Variants in CHST1 observed in about 807,000 individuals in gnomAD.
CHST1 encodes Keratan sulfotransferase.
CHST1 carries 10 observed loss-of-function variants against 22.5 expected under a neutral mutation model. That is an observed-to-expected ratio of 0.44 (90% CI 0.27 to 0.75). CHST1 has a LOEUF of 0.75. Among genes scored for constraint, CHST1 ranks in the 30% least tolerant of loss-of-function variants. The pLI, the probability that CHST1 is intolerant of heterozygous loss-of-function variation, is 0.15. For missense variants in CHST1, 439 were observed against 576.1 expected, an observed-to-expected ratio of 0.76 and a Z score of 2.44; for synonymous variants, 267 against 264.5, an observed-to-expected ratio of 1.01 and a Z score of -0.09.
rs754578986 is a variant in CHST1, at chr11:45,649,692, G to T, written c.1232C>A (p.Ser411Ter). Residue 411 changes from serine (S) to a stop codon, truncating the protein, a stop_gained, in exon 4 of 4, where the codon TCG becomes TAG. Transcript: ENST00000308064. LOFTEE classifies it high-confidence loss of function. ...CCCCCACCCGCACCGCCCGGGTCAC[G>T]AGAAGGGGCGGAAGTCCCGCTCCTC... is the stretch of plus-strand genomic sequence containing the variant. The part of the protein sequence containing the change: ...LVEERDFRPF[S>*] 1.3e-5 allele frequency: 21 copies of T among 1,562,754 alleles called. No homozygotes were observed. The Admixed American group carries it at 3.3e-4, about 25-fold the overall frequency.
chr11:45,663,407 C>G (rs903286293), intron 1 of CHST1, among the ~76,000 whole-genome samples: 1 of 152,190 alleles, frequency 6.6e-6, no homozygotes, highest in Non-Finnish European at 1.5e-5. Context: ...CAGCAGGGGC[C>G]TGTGACTCAC....
intron 1 of CHST1, 198 bp from the exon 2 acceptor site, chr11:45,652,804 G>A (rs941167872): frequency 1.3e-5 from 2 of 152,278 alleles, no homozygotes; most frequent in Non-Finnish European, 2.9e-5. Context: ...AGGCGAGAAA[G>A]CCAAGGCACA....
In CHST1 at chr11:45,648,501, G is replaced by T. The variant is rs1271463448; in HGVS notation, c.*1187C>A. Among the ~76,000 whole-genome samples, 1 of 151,194 alleles carries T rather than the reference G, an allele frequency of 6.6e-6. No homozygotes were observed. The highest frequency in any genetic ancestry group is 1.5e-5 in the Non-Finnish European group (1 of 67,876). ...AGTTCGCGACCAGCCTGGACAACAC[G>T]GTGAAACCCCGTCTCTACTAAAATC... On this transcript the variant is annotated 3_prime_UTR_variant, in exon 4 of 4. Transcript: ENST00000308064.
Position 45,650,022 on chromosome 11 carries a change from C to A in CHST1, c.902G>T (p.Arg301Leu), listed in dbSNP as rs1478105445. Residue 301 changes from arginine (R) to leucine (L), a missense_variant, in exon 4 of 4, where the codon CGC becomes CTC. Arg to Leu is a moderately radical substitution (Grantham distance 102, BLOSUM62 -2). Transcript: ENST00000308064. ...AGGGTTCCGAGCCAGGTCCTCGTAG[C>A]GCACCAACATGTACTTGCCCTTGAG... ...PWLKGKYMLV[R>L]YEDLARNPMK... The A allele has an allele frequency of 6.2e-7, 1 of 1,613,866 alleles. No individual in the cohort carries two copies. The highest frequency in any genetic ancestry group is 8.5e-7 in the Non-Finnish European group (1 of 1,180,010).
chr11:45,658,923 C>G (rs1170320592), intron 1 of CHST1, among the ~76,000 whole-genome samples: 2 of 152,232 alleles, frequency 1.3e-5, no homozygotes, highest in African/African-American at 4.8e-5. Context: ...GGAACTCAGG[C>G]AGCTGCTGCC....
At chr11:45,653,443 C>T (rs1466017457) in intron 1 of CHST1, among the ~76,000 whole-genome samples, 1 of 152,210 alleles carries the variant, frequency 6.6e-6, no homozygotes, top group Non-Finnish European at 1.5e-5. Context: ...CCCACCCCGA[C>T]CTCATCCCAT....
rs1323135741 is a variant in CHST1 at position 45,649,337 on chromosome 11, A to G, written c.*351T>C. The G allele has an allele frequency of 3.5e-6, 1 of 283,686 alleles. No individual in the cohort carries two copies. The highest frequency in any genetic ancestry group is 6.6e-6 in the Non-Finnish European group (1 of 152,136). The allele number at this position is 283,686 out of a possible 1,614,324, so 17.6% of individuals were successfully genotyped here. A position where few individuals can be genotyped will look rare whatever the true frequency, so the allele number is the denominator to read the frequency against. ...TAGATACCCGACCACTCACCCATTC[A>G]AAAGCTTGAGAAGTCGCCTCGCGAG... is the stretch of plus-strand genomic sequence containing the variant. On this transcript the variant is annotated 3_prime_UTR_variant, in exon 4 of 4. Transcript: ENST00000308064.
Position 45,650,396 on chromosome 11 carries a change from C to A in CHST1, c.528G>T (p.Leu176=), listed in dbSNP as rs780463598. The change falls in exon 4 of 4, where the codon CTG becomes CTT. Residue 176 remains leucine (L), a synonymous_variant. Coordinates refer to ENST00000308064, the MANE Select transcript of CHST1 (RefSeq NM_003654.6). ...CDPPGPADLV[L]EEGDCVRKCG... ...ACTTGCGCACACAGTCCCCCTCCTC[C>A]AGGACCAGGTCGGCTGGCCCCGGAG... 6.2e-6 allele frequency: 10 copies of A among 1,605,186 alleles called. No individual in the cohort carries two copies. In the East Asian group the frequency reaches 2.2e-4, roughly 36 times the overall value.
At chr11:45,662,221 A>T (rs1852141935) in intron 1 of CHST1, among the ~76,000 whole-genome samples, 1 of 152,078 alleles carries the variant, frequency 6.6e-6, no homozygotes, top group Admixed American at 6.5e-5. Context: ...ACAGAGGGCC[A>T]CCATCTCTGC....
At chr11:45,661,235 G>A (rs888525067) in intron 1 of CHST1, among the ~76,000 whole-genome samples, 6 of 152,352 alleles carry the variant, frequency 3.9e-5, no homozygotes, top group South Asian at 2.1e-4. Flanking sequence ...CAAGGGCCCC[G>A]GGTGGAGAAG....
chr11:45,650,525 G>A lies in CHST1; in HGVS notation c.399C>T (p.Tyr133=), dbSNP rs201554477. Residue 133 remains tyrosine, a synonymous_variant, in exon 4 of 4, where the codon TAC becomes TAT. Coordinates refer to ENST00000308064, the MANE Select transcript of CHST1 (RefSeq NM_003654.6). ...GCGGCTTGATGTAGTTCTCCAGGAAGTAGAGGTCGCAGTCGTAGAGGCTCC... is the reference window on the plus strand; with the variant it reads ...GCGGCTTGATGTAGTTCTCCAGGAAATAGAGGTCGCAGTCGTAGAGGCTCC... The part of the protein sequence containing the change: ...LLRSLYDCDL[Y]FLENYIKPPP... 143 of 1,613,848 alleles carry A rather than the reference G, an allele frequency of 8.9e-5. No individual in the cohort carries two copies. The highest frequency in any genetic ancestry group is 1.2e-4 in the Non-Finnish European group (137 of 1,179,992).
chr11:45,661,511 G>C (rs1448720901), intron 1 of CHST1, among the ~76,000 whole-genome samples: 3 of 152,378 alleles, frequency 2.0e-5, no homozygotes, highest in African/African-American at 4.8e-5. Flanking sequence ...GTCCATGGGG[G>C]TGCCGGCAGC....
intron 1 of CHST1, among the ~76,000 whole-genome samples, chr11:45,661,034 C>T (rs1424643460): frequency 1.3e-5 from 2 of 152,226 alleles, no homozygotes; most frequent in African/African-American, 4.8e-5. Context: ...ACAAATCATG[C>T]CTGACAAACT....
intron 1 of CHST1, among the ~76,000 whole-genome samples, chr11:45,657,171 G>A (rs2120341576): frequency 1.3e-5 from 2 of 152,332 alleles, no homozygotes. Flanking sequence ...CTAGGATGGA[G>A]ACTGCAGAGG....
chr11:45,662,679 G>A (rs1265049953), intron 1 of CHST1, among the ~76,000 whole-genome samples: 1 of 152,176 alleles, frequency 6.6e-6, no homozygotes, highest in Non-Finnish European at 1.5e-5. Context: ...TACTGCATTT[G>A]ACCTTCACAA....
At chr11:45,651,701 G>A (rs974900283) in intron 3 of CHST1, 1 of 152,304 alleles carries the variant, frequency 6.6e-6, no homozygotes, top group African/African-American at 2.4e-5. Flanking sequence ...AAGGGTCCAG[G>A]CCATGGAGGT....
chr11:45,662,878 T>C (rs7104214), intron 1 of CHST1, among the ~76,000 whole-genome samples: 146,224 of 152,160 alleles, frequency 0.96, 70,274 homozygotes, highest in East Asian at 1. Flanking sequence ...ACAGCCCCTC[T>C]GACAGGGAGG....
In CHST1 at chr11:45,653,960, A is replaced by C. The variant is rs530134670; in HGVS notation, c.-226-1354T>G. On this transcript the variant is annotated intron_variant, in intron 1 of 3. Coordinates refer to ENST00000308064, the MANE Select transcript of CHST1 (RefSeq NM_003654.6). ...ATAACTTCCCCAAGCTCACACCCAT[A>C]ATAAGGAGCCAGGATTCCAGCCCAG... Among the ~76,000 whole-genome samples the C allele has an allele frequency of 7.8e-4, 119 of 152,280 alleles. No homozygotes were observed. The Middle Eastern group carries it at 0.01, about 13-fold the overall frequency.
At chr11:45,660,547 T>A (rs1281622480) in intron 1 of CHST1, among the ~76,000 whole-genome samples, 1 of 152,050 alleles carries the variant, frequency 6.6e-6, no homozygotes, top group East Asian at 1.9e-4. Context: ...TGAAGGGAGG[T>A]CACACTCCTC....
Sources: allele counts gnomAD v4.1 joint callset (sites outside exome capture counted in the v4.1 genomes callset), GRCh38; gene constraint gnomAD v4.1.1; transcripts MANE v1.5; gene names NCBI Gene and HGNC (gene_info 2026-07-23, HGNC 2026-07-21).